DEPDC5: variants seen among roughly 807,000 people sequenced by gnomAD.
The protein encoded by DEPDC5 is GATOR1 complex protein DEPDC5.
Under a neutral mutation model 217.3 loss-of-function variants are expected in DEPDC5, and 73 were observed. The ratio of observed to expected loss-of-function variants is 0.34; its 90% CI spans 0.28 to 0.41. The LOEUF is 0.41. Ranked by LOEUF, DEPDC5 falls within the 10% of genes least tolerant of loss-of-function variation. DEPDC5 has a pLI of 1.00. For missense variants in DEPDC5, 1,675 were observed against 2,070.1 expected, an observed-to-expected ratio of 0.81 and a Z score of 3.70; for synonymous variants, 733 against 756.7, an observed-to-expected ratio of 0.97 and a Z score of 0.51.
intron 8 of DEPDC5, among the ~76,000 whole-genome samples, chr22:31,779,016 A>G (rs1046236637): frequency 1.3e-5 from 2 of 152,080 alleles, no homozygotes; most frequent in Non-Finnish European, 2.9e-5. Flanking sequence ...AAATGTTAAT[A>G]TGTTGTGGGG....
At chr22:31,809,464 C>T (rs570321558) in intron 18 of DEPDC5, 147 bp from the exon 19 acceptor site, 23 of 742,284 alleles carry the variant, frequency 3.1e-5, no homozygotes, top group Middle Eastern at 2.4e-4. Flanking sequence ...AATAAAGGAC[C>T]GTGGTAGGTA....
chr22:31,856,174 CACACACACACACACACTTCATTGCCTATG>C (rs1447409562), intron 31 of DEPDC5, among the ~76,000 whole-genome samples: 1 of 151,270 alleles, frequency 6.6e-6, no homozygotes, highest in African/African-American at 2.4e-5. Flanking sequence ...CACACACACA[CACACACACACACACACTTCATTGCCTATG>C]ACACACACAC....
At chr22:31,873,421 A>G in intron 35 of DEPDC5, 89 bp downstream of exon 35, 9 of 1,399,706 alleles carry the variant, frequency 6.4e-6, no homozygotes, top group African/African-American at 1.4e-5. Flanking sequence ...GTAGATTTGT[A>G]CATGACTGTA....
At chr22:31,770,181 G>T (rs2083213342) in intron 7 of DEPDC5, among the ~76,000 whole-genome samples, 1 of 151,266 alleles carries the variant, frequency 6.6e-6, no homozygotes, top group African/African-American at 2.4e-5. Flanking sequence ...GCTGCAGTGA[G>T]ACATTATCAT....
intron 10 of DEPDC5, among the ~76,000 whole-genome samples, chr22:31,790,806 G>A (rs1182086434): frequency 6.7e-6 from 1 of 150,042 alleles, no homozygotes; most frequent in Non-Finnish European, 1.5e-5. Flanking sequence ...GAGTGCAATG[G>A]CACAGTCTTG....
chr22:31,863,582 G>A (rs1045107102), intron 33 of DEPDC5, among the ~76,000 whole-genome samples: 4 of 152,122 alleles, frequency 2.6e-5, no homozygotes, highest in African/African-American at 9.7e-5. Flanking sequence ...AAGTGAGGTG[G>A]GAAGATCACT....
Position 31,846,857 on chromosome 22 carries a change from G to A in DEPDC5, c.3045G>A (p.Leu1015=). The A allele has an allele frequency of 1.2e-6, 2 of 1,614,198 alleles. No individual in the cohort carries two copies. Among genetic ancestry groups the A allele is most frequent in the Non-Finnish European group, 1.7e-6 (2 of 1,180,044 alleles). Reference sequence around the variant, plus strand: ...AGAAAGGGACCGCCATGAAAGGCTTGCAGATGACTGGGCCCATTTCCACGC... The same window carrying A: ...AGAAAGGGACCGCCATGAAAGGCTTACAGATGACTGGGCCCATTTCCACGC... ...MMRKGTAMKG[L]QMTGPISTHS... The change falls in exon 31 of 43, where the codon TTG becomes TTA. Residue 1015 remains leucine (L), a synonymous_variant. Transcript: ENST00000651528.
At chr22:31,755,003 GGTTTTGTAA>G (rs1471833844) in intron 2 of DEPDC5, 24 bp downstream of exon 2, 1 of 1,614,010 alleles carries the variant, frequency 6.2e-7, no homozygotes. Flanking sequence ...GGTCTTTAGA[GGTTTTGTAA>G]GTTGGCTGAG....
At chr22:31,764,712 A>G (rs550479551) in intron 4 of DEPDC5, among the ~76,000 whole-genome samples, 2 of 152,170 alleles carry the variant, frequency 1.3e-5, no homozygotes, top group East Asian at 3.9e-4. Flanking sequence ...CACCATACCC[A>G]GCCTCTTCCT....
chr22:31,784,077 C>A, intron 9 of DEPDC5, 92 bp downstream of exon 9: 1 of 969,662 alleles, frequency 1.0e-6, no homozygotes, highest in Non-Finnish European at 1.6e-6. Flanking sequence ...TCCCCCACAT[C>A]ATCTTCTAAC....
chr22:31,794,902 C>T (rs1203191354), intron 12 of DEPDC5, among the ~76,000 whole-genome samples: 1 of 151,850 alleles, frequency 6.6e-6, no homozygotes, highest in Non-Finnish European at 1.5e-5. Flanking sequence ...AACAAAACAA[C>T]AACAACAAAA....
At chr22:31,810,379 C>A in intron 19 of DEPDC5, 142 bp from the exon 20 acceptor site, 1 of 1,282,132 alleles carries the variant, frequency 7.8e-7, no homozygotes, top group Non-Finnish European at 1.1e-6. Context: ...TCACCTGTGC[C>A]TTGCAGATTT....
rs1342507454 is a variant in DEPDC5 at position 31,821,565 on chromosome 22, G to A, written c.1934G>A (p.Gly645Asp). ...CGACAGAATATGGCGGAGCTACAAG[G>A]CAGCGGGCAGAGGGATCCAACTCAC... ...QTRQNMAELQ[G>D]SGQRDPTHSS... The change falls in exon 23 of 43, where the codon GGC (glycine) becomes GAC (aspartate). Residue 645 changes from glycine (G) to aspartate (D), a missense_variant. Transcript: ENST00000651528. 1.2e-6 allele frequency: 2 copies of A among 1,614,208 alleles called. No individual in the cohort carries two copies. Among genetic ancestry groups the A allele is most frequent in the Admixed American group, 1.7e-5 (1 of 60,022 alleles).
rs181182243 is a variant in DEPDC5 at position 31,886,809 on chromosome 22, G to A, written c.4034-6773G>A. Reference sequence around the variant, plus strand: ...AGAGAGGCCAGGCATGGTGGTTCACGCCTGTAATCCCAGCACTTTGGGAGG... The same window carrying A: ...AGAGAGGCCAGGCATGGTGGTTCACACCTGTAATCCCAGCACTTTGGGAGG... On this transcript the variant is annotated intron_variant, in intron 38 of 42. Coordinates refer to ENST00000651528, the MANE Select transcript of DEPDC5 (RefSeq NM_001242896.3). Among the ~76,000 whole-genome samples, 1,004 of 145,828 alleles carry A rather than the reference G, an allele frequency of 6.9e-3. 4 individuals carry two copies. Among genetic ancestry groups the A allele is most frequent in the Middle Eastern group, 0.035 (9 of 254 alleles).
chr22:31,836,671 CCTGCCGTAAT>C (rs2091019363), intron 25 of DEPDC5, among the ~76,000 whole-genome samples: 1 of 152,144 alleles, frequency 6.6e-6, no homozygotes, highest in South Asian at 2.1e-4. Flanking sequence ...TTCTGCCTGC[CCTGCCGTAAT>C]CTCACCTGCA....
At chr22:31,838,064 TCTC>T (rs2091147612) in intron 26 of DEPDC5, among the ~76,000 whole-genome samples, 3 of 152,174 alleles carry the variant, frequency 2.0e-5, no homozygotes, top group Admixed American at 6.5e-5. Flanking sequence ...ATCAACTATT[TCTC>T]CTCGTTGATT....
chr22:31,811,908 G>A (rs568600678), intron 20 of DEPDC5, among the ~76,000 whole-genome samples: 2 of 152,088 alleles, frequency 1.3e-5, no homozygotes, highest in African/African-American at 4.8e-5. Flanking sequence ...TGGGTCTTGT[G>A]TAAGAAAGCA....
At chr22:31,796,563 A>G (rs1036040402) in intron 12 of DEPDC5, among the ~76,000 whole-genome samples, 1 of 152,184 alleles carries the variant, frequency 6.6e-6, no homozygotes, top group African/African-American at 2.4e-5. Flanking sequence ...AATTGCCAGA[A>G]ATGGAGCCAT....
intron 8 of DEPDC5, among the ~76,000 whole-genome samples, chr22:31,782,101 A>G (rs1057404403): frequency 2.6e-5 from 4 of 151,988 alleles, no homozygotes; most frequent in Non-Finnish European, 5.9e-5. Context: ...ACATTTAGAC[A>G]ATATAGCCTA....
Sources: gnomAD v4.1 joint callset for allele counts (sites outside exome capture counted in the v4.1 genomes callset) on GRCh38, gnomAD v4.1.1 for gene constraint, MANE v1.5 for transcripts, NCBI Gene and HGNC (gene_info 2026-07-23, HGNC 2026-07-21) for gene names.